The following KIF26B variants were observed in gnomAD, a reference collection of about 807,000 sequenced individuals.
KIF26B encodes kinesin family member 26B.
In KIF26B, 63 loss-of-function variants were observed where a neutral mutation model predicts 151.2. The ratio of observed to expected loss-of-function variants is 0.42; its 90% confidence interval spans 0.34 to 0.51. KIF26B has a LOEUF of 0.51. Among genes scored for constraint, KIF26B ranks in the 20% least tolerant of loss-of-function variants. The pLI is 0.07. For synonymous variants in KIF26B, 1,357 were observed against 1,262.1 expected (o/e 1.08, Z -1.59); for missense variants, 2,813 against 2,913.6 (o/e 0.97, Z 0.79).
intron 5 of KIF26B, among the ~76,000 whole-genome samples, chr1:245,591,466 AGGAG>A (rs1048432754): frequency 1.9e-4 from 29 of 152,336 alleles, no homozygotes; most frequent in African/African-American, 7.0e-4. Flanking sequence ...ATGTGGACAG[AGGAG>A]GTTAAACACT....
At chr1:245,575,474 C>A (rs552468987) in intron 5 of KIF26B, among the ~76,000 whole-genome samples, 19 of 148,018 alleles carry the variant, frequency 1.3e-4, no homozygotes, top group African/African-American at 4.0e-4. Context: ...GACTCCATCT[C>A]AAAAAAAAAA....
In KIF26B at chr1:245,358,435, G is replaced by T. The variant is rs1672745177; in HGVS notation, c.466-8399G>T. Among the ~76,000 whole-genome samples the T allele has an allele frequency of 6.6e-6, 1 of 152,134 alleles. No homozygotes were observed. The highest frequency in any genetic ancestry group is 2.1e-4 in the South Asian group (1 of 4,818). On this transcript the variant is annotated intron_variant, in intron 2 of 14. Transcript: ENST00000407071. This position sits in a 1 kb window ranked among gnomAD's most constrained non-coding sequence, Gnocchi z 4.1. The stretch of plus-strand genomic sequence containing the variant: ...CTCGGGAGGCTGAGGCAGGAGAATG[G>T]TGTGAACCTGGGAGGCCGAGCTTGC...
Position 245,687,328 on chromosome 1 carries a change from A to C in KIF26B, c.4345A>C (p.Lys1449Gln). ...GTGGCTGAAACGAGAAGAGGAAGTG[A>C]AAAAAGAGACGGCTCATCCCAATGA... ...DPWLKREEEV[K>Q]KETAHPNEEG... The change falls in exon 12 of 15, where the codon AAA (lysine) becomes CAA (glutamine). Residue 1449 changes from lysine (K) to glutamine (Q), a missense_variant. Lys to Gln is a moderately conservative substitution (Grantham distance 53, BLOSUM62 1). This residue lies in a region of KIF26B where 2,060 missense variants were observed against 2,088.6 expected (regional missense o/e 0.99). Coordinates refer to ENST00000407071, the MANE Select transcript of KIF26B (RefSeq NM_018012.4). This position sits in a 1 kb window ranked among gnomAD's most constrained non-coding sequence, Gnocchi z 4.9. The C allele has an allele frequency of 1.9e-6, 3 of 1,600,424 alleles. No individual in the cohort carries two copies. Among genetic ancestry groups the C allele is most frequent in the Non-Finnish European group, 2.6e-6 (3 of 1,173,966 alleles).
intron 2 of KIF26B, among the ~76,000 whole-genome samples, chr1:245,285,001 T>C (rs1459890273): frequency 6.6e-6 from 1 of 152,238 alleles, no homozygotes; most frequent in African/African-American, 2.4e-5. Context: ...ATCGTGCCAC[T>C]GCACTCCAGC....
Position 245,167,397 on chromosome 1 carries a change from G to T in KIF26B, c.465+10714G>T, listed in dbSNP as rs967084899. 6.6e-6 allele frequency among the ~76,000 whole-genome samples: 1 copy of T among 152,100 alleles called. No homozygotes were observed. The highest frequency in any genetic ancestry group is 1.5e-5 in the Non-Finnish European group (1 of 68,026). On this transcript the variant is annotated intron_variant, in intron 2 of 14. Transcript: ENST00000407071. This position sits in a 1 kb window ranked among gnomAD's most constrained non-coding sequence, Gnocchi z 4.2. ...TTCTGCAGTGTAATTTTGTCTTTGA[G>T]TTGGCAGTGATGAGCAGCTACACTT...
At chr1:245,662,067 C>G (rs1481005175) in intron 10 of KIF26B, among the ~76,000 whole-genome samples, 2 of 147,066 alleles carry the variant, frequency 1.4e-5, no homozygotes, top group African/African-American at 2.5e-5. Flanking sequence ...ACACATACCC[C>G]CATATATATA....
intron 2 of KIF26B, among the ~76,000 whole-genome samples, chr1:245,224,387 G>T (rs1325455641): frequency 6.6e-6 from 1 of 152,112 alleles, no homozygotes; most frequent in Non-Finnish European, 1.5e-5. Context: ...GGGCGTATAC[G>T]CAGTTGTTTG....
intron 9 of KIF26B, among the ~76,000 whole-genome samples, chr1:245,620,046 G>A (rs1045268621): frequency 1.1e-4 from 16 of 152,030 alleles, no homozygotes; most frequent in Non-Finnish European, 2.1e-4. Context: ...GCCTCACAAC[G>A]CAACAGAGTC....
intron 4 of KIF26B, among the ~76,000 whole-genome samples, chr1:245,427,930 A>C (rs960880445): frequency 2.6e-5 from 4 of 152,176 alleles, no homozygotes; most frequent in African/African-American, 9.6e-5. Flanking sequence ...CTATTCACAG[A>C]ACCAGGGCGC....
intron 5 of KIF26B, among the ~76,000 whole-genome samples, chr1:245,547,869 T>C (rs1661783289): frequency 6.7e-6 from 1 of 149,536 alleles, no homozygotes; most frequent in Admixed American, 6.6e-5. Context: ...GGAGGACTGG[T>C]TTGGTCCTGT....
At chr1:245,538,795 T>C (rs1661539277) in intron 4 of KIF26B, among the ~76,000 whole-genome samples, 2 of 152,118 alleles carry the variant, frequency 1.3e-5, no homozygotes, top group African/African-American at 2.4e-5. Flanking sequence ...CTCTGAGACA[T>C]AGGCAGGCTG....
At position 245,686,833 on chromosome 1, in the gene KIF26B, G is replaced by A. The variant is rs1340070459; in HGVS notation, c.3850G>A (p.Glu1284Lys). The A allele has an allele frequency of 8.1e-6, 13 of 1,613,626 alleles. 1 individual carries two copies. Among genetic ancestry groups the A allele is most frequent in the East Asian group, 6.7e-5 (3 of 44,874 alleles). Residue 1284 changes from glutamate to lysine, a missense_variant, in exon 12 of 15, where the codon GAG becomes AAG. Physicochemically the swap from Glu to Lys is moderately conservative, Grantham distance 56. Around this residue, in one of 3 missense-constraint regions of KIF26B, gnomAD observed 2,060 missense variants for 2,088.6 expected, o/e 0.99. Transcript: ENST00000407071. The surrounding 1 kb of genome is among the most constrained non-coding windows in gnomAD (Gnocchi z 5.6). ...RRSSISSWLS[E>K]MSAGSEGEQS... is the part of the protein sequence containing the mutation. ...CTCTTCCATCAGCTCCTGGCTGAGC[G>A]AGATGAGCGCGGGCAGTGAGGGTGA... is the stretch of plus-strand genomic sequence containing the variant.
intron 2 of KIF26B, among the ~76,000 whole-genome samples, chr1:245,185,424 A>T (rs1003468393): frequency 1.3e-5 from 2 of 152,170 alleles, no homozygotes; most frequent in African/African-American, 2.4e-5. Flanking sequence ...AACCTTCAAG[A>T]ATAGCACAAG....
intron 5 of KIF26B, among the ~76,000 whole-genome samples, chr1:245,586,872 G>A (rs976647342): frequency 7.1e-6 from 1 of 141,370 alleles, no homozygotes; most frequent in African/African-American, 2.8e-5. Context: ...CGGCCTGGGT[G>A]ACAGAGCGAG....
Position 245,611,964 on chromosome 1 carries a change from G to T in KIF26B, c.2086G>T (p.Gly696Trp), listed in dbSNP as rs367682555. The change falls in exon 9 of 15, where the codon GGG becomes TGG. Residue 696 changes from glycine to tryptophan, a missense_variant. Transcript: ENST00000407071. ...CTACCAGTACCGGATGGAGAAGAGC[G>T]GGAAAGGGGGAAGTAAGTCGGCCAC... ...HIYQYRMEKS[G>W]KGGMSGGRSR... 1.2e-6 allele frequency: 2 copies of T among 1,611,596 alleles called. No individual in the cohort carries two copies. The highest frequency in any genetic ancestry group is 1.1e-5 in the South Asian group (1 of 91,044).
intron 2 of KIF26B, among the ~76,000 whole-genome samples, chr1:245,329,772 G>A (rs1412900119): frequency 2.0e-5 from 3 of 152,122 alleles, no homozygotes; most frequent in East Asian, 1.9e-4. Flanking sequence ...AGAGTGACAT[G>A]TATACAATCA....
At chr1:245,220,390 G>T (rs1006885892) in intron 2 of KIF26B, among the ~76,000 whole-genome samples, 2 of 146,278 alleles carry the variant, frequency 1.4e-5, no homozygotes, top group African/African-American at 5.1e-5. Context: ...ACTTGGAGAG[G>T]TTCAGTGACC....
At position 245,375,907 on chromosome 1, in the gene KIF26B, A is replaced by G. The variant is rs1405500548; in HGVS notation, c.999+8540A>G. Reference sequence around the variant, plus strand: ...CAGATTCTTTCATCTGGGTGCCACCACAGAATGAGAGGTTACTCATACTGC... The same window carrying G: ...CAGATTCTTTCATCTGGGTGCCACCGCAGAATGAGAGGTTACTCATACTGC... On this transcript the variant is annotated intron_variant, in intron 3 of 14. Coordinates refer to ENST00000407071, the MANE Select transcript of KIF26B (RefSeq NM_018012.4). This position sits in a 1 kb window ranked among gnomAD's most constrained non-coding sequence, Gnocchi z 4.2. 6.6e-6 allele frequency among the ~76,000 whole-genome samples: 1 copy of G among 152,172 alleles called. No homozygotes were observed. Among genetic ancestry groups the G allele is most frequent in the African/African-American group, 2.4e-5 (1 of 41,442 alleles).
chr1:245,299,746 C>T (rs756337398), intron 2 of KIF26B, among the ~76,000 whole-genome samples: 8 of 152,100 alleles, frequency 5.3e-5, no homozygotes, highest in East Asian at 1.9e-4. Context: ...TGCTTTCTAC[C>T]GTTCTGCTGT....
Sources: gnomAD v4.1 joint callset for allele counts (sites outside exome capture counted in the v4.1 genomes callset) on GRCh38, gnomAD v4.1.1 for gene constraint, gnomAD v4.1.1 regional missense constraint, Gnocchi (gnomAD v3.1) non-coding constraint, MANE v1.5 for transcripts, NCBI Gene and HGNC (gene_info 2026-07-23, HGNC 2026-07-21) for gene names.